The following CNTNAP2 variants were observed in gnomAD, a reference collection of about 807,000 sequenced individuals.
CNTNAP2 encodes contactin associated protein 2, also known as contactin-associated protein-like 2.
Under a neutral mutation model 155.2 loss-of-function variants are expected in CNTNAP2, and 98 were observed. That is an observed-to-expected ratio of 0.63 (90% CI 0.54 to 0.75). The LOEUF is 0.75. CNTNAP2 is among the 30% of genes least tolerant of loss of function. The pLI, the probability that CNTNAP2 is intolerant of heterozygous loss-of-function variation, is 0.00. For synonymous variants in CNTNAP2, 651 were observed against 631.2 expected (o/e 1.03, Z -0.47); for missense variants, 1,727 against 1,688.1 (o/e 1.02, Z -0.40).
chr7:146,877,785 T>C (rs894803768), intron 3 of CNTNAP2, among the ~76,000 whole-genome samples: 7 of 152,160 alleles, frequency 4.6e-5, no homozygotes, highest in Admixed American at 4.6e-4. Flanking sequence ...TATTTCATGA[T>C]GTCACCTTCC....
chr7:147,122,059 C>T (rs1584857320), intron 6 of CNTNAP2: 2 of 152,002 alleles, frequency 1.3e-5, no homozygotes, highest in South Asian at 4.2e-4. Flanking sequence ...GCCTGTAATC[C>T]CAGCTACTCA....
intron 1 of CNTNAP2, among the ~76,000 whole-genome samples, chr7:146,547,160 T>G (rs534506871): frequency 4.9e-4 from 74 of 152,082 alleles, no homozygotes; most frequent in African/African-American, 1.7e-3. Flanking sequence ...CCCAATGGCA[T>G]CTTTGTTTTG....
At chr7:146,161,674 T>C (rs1584780035) in intron 1 of CNTNAP2, among the ~76,000 whole-genome samples, 1 of 152,142 alleles carries the variant, frequency 6.6e-6, no homozygotes, top group Admixed American at 6.6e-5. Context: ...TTAAAGTTCA[T>C]ATGGAACCAA....
intron 21 of CNTNAP2, among the ~76,000 whole-genome samples, chr7:148,373,886 C>A (rs1415099404): frequency 6.6e-6 from 1 of 152,112 alleles, no homozygotes; most frequent in African/African-American, 2.4e-5. Context: ...AGGGTGGTTG[C>A]GATCGTATGG....
intron 11 of CNTNAP2, among the ~76,000 whole-genome samples, chr7:147,522,726 G>C (rs1291400470): frequency 7.0e-6 from 1 of 143,388 alleles, no homozygotes; most frequent in Non-Finnish European, 1.5e-5. Context: ...ATGGATAGCT[G>C]ATGCTGTGCC....
At chr7:147,628,993 G>A (rs1438144760) in intron 12 of CNTNAP2, among the ~76,000 whole-genome samples, 1 of 151,826 alleles carries the variant, frequency 6.6e-6, no homozygotes, top group African/African-American at 2.4e-5. Flanking sequence ...ATTTATAAGG[G>A]AATTATTACC....
intron 1 of CNTNAP2, among the ~76,000 whole-genome samples, chr7:146,581,658 G>T (rs1215897546): frequency 9.4e-6 from 1 of 106,046 alleles, no homozygotes; most frequent in Non-Finnish European, 2.0e-5. Flanking sequence ...GCCATTTTTA[G>T]CAAAAAAAAA....
intron 13 of CNTNAP2, among the ~76,000 whole-genome samples, chr7:147,855,647 C>A (rs1317178098): frequency 1.3e-5 from 2 of 151,908 alleles, no homozygotes; most frequent in African/African-American, 4.8e-5. Context: ...AGTACAATTG[C>A]AAAACAAATA....
chr7:147,489,074 A>G (rs573092520), intron 11 of CNTNAP2, among the ~76,000 whole-genome samples: 2 of 152,354 alleles, frequency 1.3e-5, no homozygotes, highest in South Asian at 4.1e-4. Flanking sequence ...ATTGTTTGCT[A>G]TCACTTTTAT....
chr7:147,410,945 C>T (rs1200210614), intron 10 of CNTNAP2, among the ~76,000 whole-genome samples: 3 of 152,144 alleles, frequency 2.0e-5, no homozygotes. Context: ...AATGAGTGCC[C>T]TAGCTTCTTT....
chr7:147,053,773 C>T (rs984416489), intron 4 of CNTNAP2, among the ~76,000 whole-genome samples: 13 of 151,852 alleles, frequency 8.6e-5, no homozygotes, highest in African/African-American at 3.1e-4. Flanking sequence ...CATATTAAAA[C>T]AAAAGTATAT....
chr7:146,609,687 A>G (rs926660999), intron 1 of CNTNAP2, among the ~76,000 whole-genome samples: 1 of 152,232 alleles, frequency 6.6e-6, no homozygotes, highest in African/African-American at 2.4e-5. Context: ...TAAGAAATAT[A>G]TACAAGTAAA....
chr7:147,364,923 T>C (rs1584901669), intron 9 of CNTNAP2, among the ~76,000 whole-genome samples: 2 of 152,164 alleles, frequency 1.3e-5, no homozygotes, highest in South Asian at 4.1e-4. Context: ...TTTGATATAC[T>C]ATGTCACAGG....
At chr7:147,353,075 A>C (rs1038779125) in intron 9 of CNTNAP2, among the ~76,000 whole-genome samples, 6 of 139,080 alleles carry the variant, frequency 4.3e-5, no homozygotes, top group Admixed American at 7.2e-5. Context: ...CAGCATGTAG[A>C]ATTCTTTATA....
At chr7:148,077,701 T>G (rs1304810955) in intron 15 of CNTNAP2, among the ~76,000 whole-genome samples, 1 of 152,236 alleles carries the variant, frequency 6.6e-6, no homozygotes, top group Non-Finnish European at 1.5e-5. Flanking sequence ...TTGACTGAAT[T>G]GTCTCATCAG....
At chr7:147,057,627 T>C (rs1292010205) in intron 4 of CNTNAP2, among the ~76,000 whole-genome samples, 1 of 152,124 alleles carries the variant, frequency 6.6e-6, no homozygotes, top group Non-Finnish European at 1.5e-5. Flanking sequence ...TGCATCATAT[T>C]TCCCTCAGTT....
At chr7:148,380,875 CA>C (rs2116652985) in intron 21 of CNTNAP2, among the ~76,000 whole-genome samples, 1 of 152,324 alleles carries the variant, frequency 6.6e-6, no homozygotes, top group East Asian at 1.9e-4. Context: ...GGACTTGCAA[CA>C]GGGGTGCCCT....
chr7:147,013,454 A>AT (rs1798662289), intron 3 of CNTNAP2, among the ~76,000 whole-genome samples: 1 of 152,142 alleles, frequency 6.6e-6, no homozygotes, highest in African/African-American at 2.4e-5. Flanking sequence ...CATTTTAGCT[A>AT]ACCTCACAAA....
At chr7:147,285,044 G>A (rs1000830869) in intron 8 of CNTNAP2, among the ~76,000 whole-genome samples, 19 of 151,794 alleles carry the variant, frequency 1.3e-4, no homozygotes, top group African/African-American at 4.3e-4. Flanking sequence ...AAGATTATCT[G>A]GTGGCATGTA....
Sources: allele counts gnomAD v4.1 joint callset (sites outside exome capture counted in the v4.1 genomes callset), GRCh38; gene constraint gnomAD v4.1.1; transcripts MANE v1.5; gene names NCBI Gene and HGNC (gene_info 2026-07-23, HGNC 2026-07-21).